KSR2: variants seen among roughly 807,000 people sequenced by gnomAD.
The protein encoded by KSR2 is kinase suppressor of ras 2.
KSR2 carries 25 observed loss-of-function variants against 107.8 expected under a neutral mutation model. That is an observed-to-expected ratio of 0.23 (90% CI 0.17 to 0.32). The LOEUF (loss-of-function observed/expected upper bound fraction) is 0.32, where lower values mean the gene tolerates loss of function less well. KSR2 is among the 10% of genes least tolerant of loss of function. KSR2 has a pLI of 1.00. For missense variants in KSR2, 887 were observed against 1,268.9 expected, an observed-to-expected ratio of 0.70 and a Z score of 4.57; for synonymous variants, 480 against 507.0, an observed-to-expected ratio of 0.95 and a Z score of 0.71.
chr12:117,895,065 AC>A (rs1404360194), intron 1 of KSR2, among the ~76,000 whole-genome samples: 1 of 151,718 alleles, frequency 6.6e-6, no homozygotes, highest in Non-Finnish European at 1.5e-5. Context: ...CTCTGTCTCT[AC>A]AAAAAATTAA....
At chr12:117,603,900 T>C (rs1881090746) in intron 5 of KSR2, among the ~76,000 whole-genome samples, 1 of 152,228 alleles carries the variant, frequency 6.6e-6, no homozygotes, top group African/African-American at 2.4e-5. Flanking sequence ...ACTGCTGATA[T>C]CAACCATCTG....
chr12:117,869,116 A>T (rs887437646), intron 1 of KSR2, among the ~76,000 whole-genome samples: 10 of 151,022 alleles, frequency 6.6e-5, no homozygotes, highest in African/African-American at 2.4e-4. Flanking sequence ...TCACGCCTGT[A>T]ATCCCAGCAC....
Position 117,469,692 on chromosome 12 carries a change from G to C in KSR2, c.2816C>G (p.Ser939Cys). 6.2e-7 allele frequency: 1 copy of C among 1,613,330 alleles called. No homozygotes were observed. Among genetic ancestry groups the C allele is most frequent in the Non-Finnish European group, 8.5e-7 (1 of 1,179,648 alleles). ...EKLPKRNRRL[S>C]HPGHFWKSAE... ...AGACTTCCAGAAATGTCCAGGGTGA[G>C]ACAGGCGACGGTTTCGCTTTGGCAG... The change falls in exon 19 of 20, where the codon TCT (serine) becomes TGT (cysteine). Residue 939 changes from serine (S) to cysteine (C), a missense_variant. Ser to Cys is a moderately radical substitution (Grantham distance 112). Coordinates refer to ENST00000339824, the MANE Select transcript of KSR2 (RefSeq NM_173598.6).
intron 4 of KSR2, among the ~76,000 whole-genome samples, chr12:117,688,639 T>C: frequency 6.6e-6 from 1 of 152,154 alleles, no homozygotes; most frequent in Non-Finnish European, 1.5e-5. Context: ...GCTCAGGCCC[T>C]CCAAGAACCA....
chr12:117,672,529 T>C (rs1187534590), intron 4 of KSR2, among the ~76,000 whole-genome samples: 1 of 152,174 alleles, frequency 6.6e-6, no homozygotes, highest in Non-Finnish European at 1.5e-5. Flanking sequence ...TTAAAGTCAC[T>C]ATGACCAGGT....
chr12:117,763,677 T>A (rs1889128270), intron 3 of KSR2, among the ~76,000 whole-genome samples: 1 of 152,196 alleles, frequency 6.6e-6, no homozygotes, highest in Non-Finnish European at 1.5e-5. Flanking sequence ...AGGTGCAGAT[T>A]GGCTTTTATA....
intron 3 of KSR2, among the ~76,000 whole-genome samples, chr12:117,824,846 G>T (rs145394343): frequency 0.053 from 6,735 of 126,230 alleles, 203 homozygotes; most frequent in Non-Finnish European, 0.072. Flanking sequence ...GACAGAGCGA[G>T]ACTCTATCTC....
chr12:117,663,135 G>A (rs920554976), intron 5 of KSR2, among the ~76,000 whole-genome samples: 1 of 152,218 alleles, frequency 6.6e-6, no homozygotes, highest in Non-Finnish European at 1.5e-5. Flanking sequence ...CCTCCGTGAT[G>A]CAAGGGCATT....
At chr12:117,669,276 C>A (rs564301246) in intron 4 of KSR2, among the ~76,000 whole-genome samples, 1 of 152,224 alleles carries the variant, frequency 6.6e-6, no homozygotes, top group South Asian at 2.1e-4. Context: ...GTTATGAGTG[C>A]AAGTATCCAT....
chr12:117,519,286 G>A (rs1455411171), intron 14 of KSR2, among the ~76,000 whole-genome samples: 3 of 152,180 alleles, frequency 2.0e-5, no homozygotes, highest in Admixed American at 6.5e-5. Flanking sequence ...GAAGCTCTTG[G>A]CAGTTGTAAA....
At chr12:117,629,843 C>T (rs989155862) in intron 5 of KSR2, among the ~76,000 whole-genome samples, 12 of 152,212 alleles carry the variant, frequency 7.9e-5, no homozygotes, top group Admixed American at 2.6e-4. Context: ...TCTGGCATCA[C>T]CCAAAGACTA....
intron 3 of KSR2, among the ~76,000 whole-genome samples, chr12:117,830,665 G>C (rs1319143939): frequency 6.6e-6 from 1 of 152,150 alleles, no homozygotes; most frequent in Non-Finnish European, 1.5e-5. Context: ...AATTCTATCA[G>C]ACCTCAAGCC....
At chr12:117,884,975 C>G (rs182741147) in intron 1 of KSR2, among the ~76,000 whole-genome samples, 6 of 152,184 alleles carry the variant, frequency 3.9e-5, no homozygotes, top group African/African-American at 1.4e-4. Context: ...CCCACCGACA[C>G]GCAGCAGGTA....
At chr12:117,600,379 C>G (rs531076442) in intron 5 of KSR2, among the ~76,000 whole-genome samples, 2 of 152,132 alleles carry the variant, frequency 1.3e-5, no homozygotes, top group African/African-American at 4.8e-5. Flanking sequence ...GGCAATCAGA[C>G]GTGTTTTCAG....
intron 4 of KSR2, among the ~76,000 whole-genome samples, chr12:117,759,184 T>C (rs1888908050): frequency 1.3e-5 from 2 of 152,212 alleles, no homozygotes; most frequent in African/African-American, 4.8e-5. Context: ...TTCCCAATGC[T>C]TCAGAAAAGA....
intron 5 of KSR2, among the ~76,000 whole-genome samples, chr12:117,591,437 G>C (rs1880309468): frequency 6.6e-6 from 1 of 152,082 alleles, no homozygotes; most frequent in Non-Finnish European, 1.5e-5. Context: ...ACCTGGGGGA[G>C]TCTTCTCTCT....
intron 5 of KSR2, among the ~76,000 whole-genome samples, chr12:117,642,552 A>T (rs78266652): frequency 0.026 from 3,945 of 152,294 alleles, 60 homozygotes; most frequent in Middle Eastern, 0.041. Flanking sequence ...AAGCTGCTTA[A>T]CTTAGCTGGA....
At chr12:117,494,049 C>A (rs1034502258) in intron 14 of KSR2, among the ~76,000 whole-genome samples, 1 of 152,108 alleles carries the variant, frequency 6.6e-6, no homozygotes, top group East Asian at 1.9e-4. Context: ...CTAATACGGG[C>A]AGGGACTGGG....
chr12:117,476,434 C>G (rs1871784675), intron 17 of KSR2, 30 bp downstream of exon 17: 1 of 1,558,852 alleles, frequency 6.4e-7, no homozygotes, highest in African/African-American at 1.4e-5. Context: ...CAGGCTGTGG[C>G]TCTCAATGGC....
Sources: allele counts gnomAD v4.1 joint callset (sites outside exome capture counted in the v4.1 genomes callset), GRCh38; gene constraint gnomAD v4.1.1; transcripts MANE v1.5; gene names NCBI Gene and HGNC (gene_info 2026-07-23, HGNC 2026-07-21).